The following SLC12A6 variants were observed in gnomAD, a reference collection of about 807,000 sequenced individuals.
SLC12A6 encodes solute carrier family 12 member 6.
Under a neutral mutation model 135.3 loss-of-function variants are expected in SLC12A6, and 66 were observed. The ratio of observed to expected loss-of-function variants is 0.49; its 90% CI spans 0.40 to 0.60. The LOEUF (loss-of-function observed/expected upper bound fraction) is 0.60. SLC12A6 is among the 20% of genes least tolerant of loss of function. The pLI is 0.00. For missense variants in SLC12A6, 1,058 were observed against 1,452.3 expected (o/e 0.73, Z 4.41); for synonymous variants, 513 against 508.8 (o/e 1.01, Z -0.11).
Position 34,244,013 on chromosome 15 carries a change from C to T in SLC12A6, c.2003G>A (p.Arg668Gln), listed in dbSNP as rs779359867. ...NLACALQTLLRTPNWRPRFRY... is the reference protein window; with the variant it reads ...NLACALQTLLQTPNWRPRFRY... ...GAATCGGGGTCTCCAGTTGGGTGTT[C>T]GAAGTAATGTTTGCAAGGCACATGC... is the stretch of plus-strand genomic sequence containing the variant. Residue 668 changes from arginine to glutamine, a missense_variant, in exon 16 of 26, where the codon CGA becomes CAA. Physicochemically the swap from Arg to Gln is conservative, Grantham distance 43. Coordinates refer to ENST00000354181, the MANE Select transcript of SLC12A6 (RefSeq NM_001365088.1). 51 of 1,609,764 alleles carry T rather than the reference C, an allele frequency of 3.2e-5. No homozygotes were observed. The highest frequency in any genetic ancestry group is 8.3e-5 in the Admixed American group (5 of 59,982).
At position 34,275,333 on chromosome 15, in the gene SLC12A6, G is replaced by T; in HGVS notation, c.316+12C>A. The stretch of plus-strand genomic sequence containing the variant: ...ACTTTGGATAAAGTCAATCCCCACA[G>T]TAATACTATACCTAACAGTTGGCTG... On this transcript the variant is annotated intron_variant, in intron 3 of 25. Transcript: ENST00000354181. 7.2e-7 allele frequency: 1 copy of T among 1,397,230 alleles called. No homozygotes were observed. The highest frequency in any genetic ancestry group is 1.0e-6 in the Non-Finnish European group (1 of 982,976). The allele number at this position is 1,397,230 out of a possible 1,614,324, so 86.6% of individuals were successfully genotyped here. A position where few individuals can be genotyped will look rare whatever the true frequency, so the allele number is the denominator to read the frequency against.
intron 2 of SLC12A6, among the ~76,000 whole-genome samples, chr15:34,286,072 CT>C (rs57903086): frequency 1.2e-4 from 18 of 148,340 alleles, no homozygotes; most frequent in African/African-American, 2.5e-4. Flanking sequence ...GGTTTTATTG[CT>C]TTTTTTTTTC....
chr15:34,266,793 T>C (rs942439929), intron 3 of SLC12A6, among the ~76,000 whole-genome samples: 1 of 152,224 alleles, frequency 6.6e-6, no homozygotes, highest in African/African-American at 2.4e-5. Context: ...GCTCAACAAA[T>C]TACCTCCAAA....
At chr15:34,254,859 G>C (rs978720797) in intron 8 of SLC12A6, among the ~76,000 whole-genome samples, 2 of 151,660 alleles carry the variant, frequency 1.3e-5, no homozygotes. Context: ...TTTATTCATA[G>C]GGTTATATAA....
chr15:34,247,289 G>A (rs371560907), intron 13 of SLC12A6, among the ~76,000 whole-genome samples: 8 of 152,168 alleles, frequency 5.3e-5, no homozygotes, highest in South Asian at 4.2e-4. Context: ...AGGCCGAGGC[G>A]GGTGGATCAC....
At chr15:34,274,257 A>G (rs547005875) in intron 3 of SLC12A6, among the ~76,000 whole-genome samples, 2 of 152,332 alleles carry the variant, frequency 1.3e-5, no homozygotes, top group African/African-American at 4.8e-5. Flanking sequence ...CAGTCTGTAT[A>G]ATAGAACAGT....
intron 3 of SLC12A6, among the ~76,000 whole-genome samples, chr15:34,263,631 T>C (rs1893306831): frequency 6.6e-6 from 1 of 151,912 alleles, no homozygotes; most frequent in African/African-American, 2.4e-5. Context: ...AAAAGTTATA[T>C]AATTACAGAG....
intron 2 of SLC12A6, among the ~76,000 whole-genome samples, chr15:34,308,630 C>CAAAAAAAAAAAAA (rs536506096): frequency 1.6e-5 from 1 of 63,336 alleles, no homozygotes; most frequent in African/African-American, 5.0e-5. Flanking sequence ...GTCCACCTGA[C>CAAAAAAAAAAAAA]AAAAAAAAAA....
rs760082360 is a variant in SLC12A6, at chr15:34,250,642, G to A, written c.1580C>T (p.Thr527Ile). ...PIGTILAILT[T>I]SFVYLSNVVL... ...CATAAAAAGGATACAAACAAAGGAG[G>A]TGGTCAGGATGGCAAGGATAGTACC... The change falls in exon 12 of 26, where the codon ACC (threonine) becomes ATC (isoleucine). Residue 527 changes from threonine to isoleucine, a missense_variant. By Grantham distance (89) the Thr-to-Ile change is moderately conservative. Around this residue, in one of 6 missense-constraint regions of SLC12A6, gnomAD observed 297 missense variants for 318.5 expected, o/e 0.93. Coordinates refer to ENST00000354181, the MANE Select transcript of SLC12A6 (RefSeq NM_001365088.1). 1.3e-6 allele frequency: 2 copies of A among 1,560,582 alleles called. No individual in the cohort carries two copies. Among genetic ancestry groups the A allele is most frequent in the South Asian group, 1.1e-5 (1 of 89,912 alleles).
rs1463389768 is a variant in SLC12A6, at chr15:34,297,783, G to T, written c.272-22394C>A. 2.6e-5 allele frequency among the ~76,000 whole-genome samples: 4 copies of T among 152,184 alleles called. 1 individual carries two copies. The East Asian group carries it at 7.7e-4, about 29-fold the overall frequency. On this transcript the variant is annotated intron_variant, in intron 2 of 25. Coordinates refer to ENST00000354181, the MANE Select transcript of SLC12A6 (RefSeq NM_001365088.1). ...ATTGGGTCATATTAGGAAAATCTTG[G>T]AAGGCAAATAGAGGAGTCTAAAGGA...
At chr15:34,331,750 A>G (rs1889866236) in intron 2 of SLC12A6, among the ~76,000 whole-genome samples, 2 of 152,236 alleles carry the variant, frequency 1.3e-5, no homozygotes, top group Non-Finnish European at 2.9e-5. Flanking sequence ...TATAGGGACA[A>G]AAAGAGCCTG....
intron 2 of SLC12A6, among the ~76,000 whole-genome samples, chr15:34,310,190 T>TGTGTGTGC (rs1888060832): frequency 6.7e-6 from 1 of 150,102 alleles, no homozygotes. Context: ...TGTGTGTGTG[T>TGTGTGTGC]GTGTGTGTGT....
chr15:34,286,535 C>T (rs1223932856), intron 2 of SLC12A6, among the ~76,000 whole-genome samples: 1 of 152,000 alleles, frequency 6.6e-6, no homozygotes, highest in African/African-American at 2.4e-5. Context: ...TGGCTCACGC[C>T]TGTAATCCCA....
At chr15:34,260,801 C>T (rs763918783) in intron 4 of SLC12A6, 125 bp downstream of exon 4, 2 of 649,004 alleles carry the variant, frequency 3.1e-6, no homozygotes, top group East Asian at 2.8e-5. Flanking sequence ...TAACAAGTTA[C>T]AATATTTTCT....
At chr15:34,263,588 G>T (rs1008428239) in intron 3 of SLC12A6, among the ~76,000 whole-genome samples, 1 of 151,770 alleles carries the variant, frequency 6.6e-6, no homozygotes, top group African/African-American at 2.4e-5. Context: ...AACTTTATTT[G>T]AGCACTTCCT....
intron 9 of SLC12A6, 136 bp downstream of exon 9, chr15:34,254,212 G>A: frequency 1.1e-6 from 1 of 884,314 alleles, no homozygotes; most frequent in Non-Finnish European, 1.9e-6. Context: ...AGATGAGGAA[G>A]GAAGTCTAAC....
rs553057487 is a variant in SLC12A6 at position 34,333,397 on chromosome 15, T to G, written c.271+3013A>C. ...GGCGCACGCCGTCACGCCTGGCTAATTTTTTGTATTTTTAGTAGAGACAGG... is the reference window on the plus strand; with the variant it reads ...GGCGCACGCCGTCACGCCTGGCTAAGTTTTTGTATTTTTAGTAGAGACAGG... On this transcript the variant is annotated intron_variant, in intron 2 of 25. Transcript: ENST00000354181. Among the ~76,000 whole-genome samples, 8 of 152,006 alleles carry G rather than the reference T, an allele frequency of 5.3e-5. No homozygotes were observed. In the East Asian group the frequency reaches 1.6e-3, roughly 30 times the overall value.
chr15:34,294,118 C>T (rs950873239), intron 2 of SLC12A6, among the ~76,000 whole-genome samples: 11 of 152,156 alleles, frequency 7.2e-5, no homozygotes, highest in Admixed American at 3.3e-4. Flanking sequence ...TCTGTGATTT[C>T]CAACTTTGGT....
At chr15:34,280,786 C>T (rs917161481) in intron 2 of SLC12A6, among the ~76,000 whole-genome samples, 1 of 152,040 alleles carries the variant, frequency 6.6e-6, no homozygotes, top group Non-Finnish European at 1.5e-5. Context: ...ACCTGGGTGT[C>T]CAAAAACAGA....
Sources: allele counts gnomAD v4.1 joint callset (sites outside exome capture counted in the v4.1 genomes callset), GRCh38; gene constraint gnomAD v4.1.1; regional missense constraint gnomAD v4.1.1; transcripts MANE v1.5; gene names NCBI Gene and HGNC (gene_info 2026-07-23, HGNC 2026-07-21).